RHOJ: variants seen among roughly 807,000 people sequenced by gnomAD.
The protein encoded by RHOJ is ras homolog family member J, also known as rho-related GTP-binding protein RhoJ.
A neutral mutation model predicts 23.4 loss-of-function variants in RHOJ; 11 were observed. The observed-to-expected ratio is 0.47, with a 90% CI of 0.30 to 0.78. The LOEUF is 0.78. Ranked by LOEUF, RHOJ falls within the 30% of genes least tolerant of loss-of-function variation. The probability of loss-of-function intolerance (pLI) is 0.08; values close to 1 mark genes in which losing one functional copy is unlikely to be tolerated. For missense variants in RHOJ, 254 were observed against 273.4 expected (o/e 0.93, Z 0.50); for synonymous variants, 102 against 102.7 (o/e 0.99, Z 0.04).
chr14:63,207,250 T>G (rs929788415), intron 1 of RHOJ, among the ~76,000 whole-genome samples: 1 of 152,074 alleles, frequency 6.6e-6, no homozygotes, highest in African/African-American at 2.4e-5. Flanking sequence ...CAGGCTGGTC[T>G]TGAACTCCTT....
intron 1 of RHOJ, among the ~76,000 whole-genome samples, chr14:63,206,401 GA>G (rs970185480): frequency 6.6e-6 from 1 of 152,100 alleles, no homozygotes; most frequent in Non-Finnish European, 1.5e-5. Context: ...TTCATCTTGA[GA>G]AAAAAACTAA....
chr14:63,257,236 C>CAAAAA (rs11463617), intron 1 of RHOJ, among the ~76,000 whole-genome samples: 4 of 49,092 alleles, frequency 8.1e-5, no homozygotes, highest in East Asian at 1.3e-3. Flanking sequence ...AGACTGTCTC[C>CAAAAA]AAAAAAAAAA....
intron 1 of RHOJ, among the ~76,000 whole-genome samples, chr14:63,215,202 A>G (rs1201646988): frequency 6.6e-6 from 1 of 152,182 alleles, no homozygotes; most frequent in African/African-American, 2.4e-5. Context: ...TCTGAGTCCA[A>G]AAAGACCTCT....
At chr14:63,221,263 G>A (rs965592943) in intron 1 of RHOJ, among the ~76,000 whole-genome samples, 9 of 152,112 alleles carry the variant, frequency 5.9e-5, no homozygotes, top group African/African-American at 2.2e-4. Flanking sequence ...CCAGGAGATC[G>A]AGGCTGCAAT....
At chr14:63,207,479 GC>G (rs1370331639) in intron 1 of RHOJ, among the ~76,000 whole-genome samples, 8 of 152,164 alleles carry the variant, frequency 5.3e-5, no homozygotes, top group African/African-American at 1.9e-4. Flanking sequence ...AAAACTAAAT[GC>G]CCTCTTCTCC....
chr14:63,272,194 C>T (rs1895483401), intron 2 of RHOJ, among the ~76,000 whole-genome samples: 1 of 152,170 alleles, frequency 6.6e-6, no homozygotes, highest in Admixed American at 6.5e-5. Flanking sequence ...AAATGTATCC[C>T]CGTAGTTCTA....
chr14:63,268,640 A>C (rs143758408), intron 1 of RHOJ, among the ~76,000 whole-genome samples: 2 of 152,222 alleles, frequency 1.3e-5, no homozygotes, highest in African/African-American at 4.8e-5. Flanking sequence ...GTGTGATAAT[A>C]TTCTTTGTTT....
At chr14:63,283,044 C>T in intron 3 of RHOJ, 77 bp from the exon 4 acceptor site, 2 of 1,169,626 alleles carry the variant, frequency 1.7e-6, no homozygotes, top group South Asian at 1.3e-5. Context: ...GGGAAAAAGA[C>T]TCTATGATGT....
intron 1 of RHOJ, among the ~76,000 whole-genome samples, chr14:63,232,382 A>G (rs927119709): frequency 6.6e-6 from 1 of 152,188 alleles, no homozygotes; most frequent in Non-Finnish European, 1.5e-5. Context: ...ATGGTAGCAG[A>G]AGGGAGAAAG....
intron 1 of RHOJ, among the ~76,000 whole-genome samples, chr14:63,231,989 T>C (rs1348465854): frequency 6.6e-6 from 1 of 152,220 alleles, no homozygotes; most frequent in Non-Finnish European, 1.5e-5. Flanking sequence ...TGGGAAGTTA[T>C]GGTGCACACA....
chr14:63,275,511 C>G (rs1352958547), intron 2 of RHOJ, among the ~76,000 whole-genome samples: 1 of 152,064 alleles, frequency 6.6e-6, no homozygotes, highest in Non-Finnish European at 1.5e-5. Flanking sequence ...TTCATAATCA[C>G]CCACAGTCAC....
intron 1 of RHOJ, among the ~76,000 whole-genome samples, chr14:63,247,473 T>C (rs1425983706): frequency 6.6e-6 from 1 of 152,168 alleles, no homozygotes; most frequent in Non-Finnish European, 1.5e-5. Flanking sequence ...AAAAAAAATA[T>C]ACAGAAAAAA....
At chr14:63,265,189 A>C (rs184908027) in intron 1 of RHOJ, among the ~76,000 whole-genome samples, 30 of 152,264 alleles carry the variant, frequency 2.0e-4, no homozygotes, top group Admixed American at 3.9e-4. Flanking sequence ...AATTCATCTT[A>C]ACTTCAGTAT....
intron 4 of RHOJ, among the ~76,000 whole-genome samples, chr14:63,288,637 T>C (rs1245704988): frequency 6.6e-6 from 1 of 152,244 alleles, no homozygotes; most frequent in Non-Finnish European, 1.5e-5. Context: ...TAACTGTTTT[T>C]AATTATTTAA....
In RHOJ at chr14:63,204,575, C is replaced by G. The variant is rs1429727335; in HGVS notation, c.-295C>G. 1 of 420,386 alleles carries G rather than the reference C, an allele frequency of 2.4e-6. No individual in the cohort carries two copies. The highest frequency in any genetic ancestry group is 4.3e-6 in the Non-Finnish European group (1 of 233,304). The allele number at this position is 420,386 out of a possible 1,614,324, so 26.0% of individuals were successfully genotyped here. On this transcript the variant is annotated 5_prime_UTR_variant, in exon 1 of 5. Transcript: ENST00000316754. ...TAAAACCCTCAGGCTGCTGAAATTT[C>G]TAGGCTGTTAGGAAGCCCCTCGAAT...
At chr14:63,222,636 T>C (rs1292582020) in intron 1 of RHOJ, among the ~76,000 whole-genome samples, 1 of 152,240 alleles carries the variant, frequency 6.6e-6, no homozygotes, top group East Asian at 1.9e-4. Context: ...TTGAGAAGCG[T>C]CTGTTCATAT....
chr14:63,281,194 G>A (rs1881888485), intron 3 of RHOJ, 59 bp downstream of exon 3: 1 of 1,511,676 alleles, frequency 6.6e-7, no homozygotes, highest in Non-Finnish European at 8.9e-7. Flanking sequence ...GACCCTTTAG[G>A]TACCTCGTGA....
Position 63,204,941 on chromosome 14 carries a change from T to C in RHOJ, c.72T>C (p.Cys24=). 1 of 1,614,042 alleles carries C rather than the reference T, an allele frequency of 6.2e-7. No individual in the cohort carries two copies. The highest frequency in any genetic ancestry group is 1.7e-5 in the Admixed American group (1 of 60,012). Residue 24 remains cysteine, a synonymous_variant, in exon 1 of 5, where the codon TGT becomes TGC. Transcript: ENST00000316754. The part of the protein sequence containing the change: ...RGNDEKKMLK[C]VVVGDGAVGK... Reference sequence around the variant, plus strand: ...ACGACGAGAAGAAGATGTTGAAGTGTGTGGTGGTGGGGGACGGTGCCGTGG... The same window carrying C: ...ACGACGAGAAGAAGATGTTGAAGTGCGTGGTGGTGGGGGACGGTGCCGTGG...
chr14:63,280,249 T>C (rs1218848899), intron 2 of RHOJ, among the ~76,000 whole-genome samples: 1 of 152,134 alleles, frequency 6.6e-6, no homozygotes, highest in African/African-American at 2.4e-5. Context: ...GATCTCAAGC[T>C]CAAGGAATCA....
Sources: gnomAD v4.1 joint callset for allele counts (sites outside exome capture counted in the v4.1 genomes callset) on GRCh38, gnomAD v4.1.1 for gene constraint, MANE v1.5 for transcripts, NCBI Gene and HGNC (gene_info 2026-07-23, HGNC 2026-07-21) for gene names.